The following DUSP6 variants were observed in gnomAD, a reference collection of about 807,000 sequenced individuals.
DUSP6 encodes dual specificity protein phosphatase 6.
DUSP6 carries 6 observed loss-of-function variants against 28.0 expected under a neutral mutation model. The ratio of observed to expected loss-of-function variants is 0.21; its 90% confidence interval spans 0.12 to 0.42. The LOEUF (loss-of-function observed/expected upper bound fraction) is 0.42. Among genes scored for constraint, DUSP6 ranks in the 10% least tolerant of loss-of-function variants. The pLI, the probability that DUSP6 is intolerant of heterozygous loss-of-function variation, is 1.00. For missense variants in DUSP6, 451 were observed against 498.1 expected (o/e 0.91, Z 0.90); for synonymous variants, 252 against 217.5 (o/e 1.16, Z -1.40).
intron 1 of DUSP6, 29 bp from the exon 2 acceptor site, chr12:89,351,054 A>AC: frequency 1.3e-6 from 2 of 1,544,646 alleles, no homozygotes; most frequent in Non-Finnish European, 1.7e-6. Context: ...CAATCATCTA[A>AC]CCTGAGAAGC....
At position 89,349,257 on chromosome 12, in the gene DUSP6, C is replaced by G. The variant is rs1378478834; in HGVS notation, c.1143G>C (p.Thr381=). 5 of 1,606,260 alleles carry G rather than the reference C, an allele frequency of 3.1e-6. No individual in the cohort carries two copies. The highest frequency in any genetic ancestry group is 1.3e-5 in the African/African-American group (1 of 74,738). ...GCAAGGAGGGGTGTGGGGTCTTTCA[C>G]GTAGATTGCAGAGAGTCCACCTGGT... ...NVYQVDSLQS[T] Residue 381 remains threonine, a synonymous_variant, in exon 3 of 3, where the codon ACG becomes ACC. Transcript: ENST00000279488.
chr12:89,348,919 C>A lies in DUSP6; in HGVS notation c.*335G>T. On this transcript the variant is annotated 3_prime_UTR_variant, in exon 3 of 3. Transcript: ENST00000279488. ...GCAAAAGGAAACAGCCTTACAAGGC[C>A]CTAAAGAACACATGCTCCTACCCTA... 4.6e-6 allele frequency: 1 copy of A among 218,048 alleles called. No homozygotes were observed. The highest frequency in any genetic ancestry group is 9.2e-6 in the Non-Finnish European group (1 of 109,090). 13.5% of individuals were successfully genotyped at this position (218,048 alleles called of 1,614,324 possible). A position where few individuals can be genotyped will look rare whatever the true frequency, so the allele number is the denominator to read the frequency against.
Position 89,349,108 on chromosome 12 carries a change from C to A in DUSP6, c.*146G>T. 7 of 818,766 alleles carry A rather than the reference C, an allele frequency of 8.5e-6. No homozygotes were observed. The highest frequency in any genetic ancestry group is 1.3e-5 in the Non-Finnish European group (7 of 525,590). 50.7% of individuals were successfully genotyped at this position (818,766 alleles called of 1,614,324 possible). ...ATCTCTCTGTTAGTATTAACCAATTCCGCACTTGGTAACCTTGTCTAGTAC... is the reference window on the plus strand; with the variant it reads ...ATCTCTCTGTTAGTATTAACCAATTACGCACTTGGTAACCTTGTCTAGTAC... On this transcript the variant is annotated 3_prime_UTR_variant, in exon 3 of 3. Transcript: ENST00000279488.
chr12:89,349,346 G>A lies in DUSP6; in HGVS notation c.1054C>T (p.Pro352Ser). Residue 352 changes from proline (P) to serine (S), a missense_variant, in exon 3 of 3, where the codon CCA (proline) becomes TCA (serine). Around this residue, in one of 2 missense-constraint regions of DUSP6, gnomAD observed 104 missense variants for 151.4 expected, o/e 0.69. Transcript: ENST00000279488. ...TGTGCTGGAACCCTGTTGTCACATG[G>A]GCTGCTGAGTCCCAGCGTCCTCTCG... Reference protein sequence around the residue: ...DFERTLGLSSPCDNRVPAQQL... With the variant: ...DFERTLGLSSSCDNRVPAQQL... The A allele has an allele frequency of 1.2e-6, 2 of 1,614,144 alleles. No individual in the cohort carries two copies. The highest frequency in any genetic ancestry group is 1.7e-6 in the Non-Finnish European group (2 of 1,180,034).
In DUSP6 at chr12:89,351,774, C is replaced by A. The variant is rs1879203409; in HGVS notation, c.266G>T (p.Arg89Leu). The stretch of plus-strand genomic sequence containing the variant: ...GAGCACCACTGTGTCGGTGCCACAG[C>A]GCCGGGTGAAGCGGTCCCGGTCCTC... ...RGEDRDRFTR[R>L]CGTDTVVLYD... Residue 89 changes from arginine to leucine, a missense_variant, in exon 1 of 3, where the codon CGC becomes CTC. By Grantham distance (102) the Arg-to-Leu change is moderately radical (BLOSUM62 -2). Transcript: ENST00000279488. The A allele has an allele frequency of 6.2e-7, 1 of 1,609,452 alleles. No homozygotes were observed. The highest frequency in any genetic ancestry group is 1.1e-5 in the South Asian group (1 of 90,572).
At position 89,350,870 on chromosome 12, in the gene DUSP6, G is replaced by C. The variant is rs766152118; in HGVS notation, c.556C>G (p.Arg186Gly). Residue 186 changes from arginine to glycine, a missense_variant, in exon 2 of 3, where the codon CGA becomes GGA. Physicochemically the swap from Arg to Gly is moderately radical, Grantham distance 125. Transcript: ENST00000279488. ...SSSDIESDLD[R>G]DPNSATDSDG... ...GAGTCTGTTGCACTATTGGGGTCTC[G>C]GTCAAGGTCAGACTCGATGTCCGAG... The C allele has an allele frequency of 1.2e-6, 2 of 1,613,994 alleles. No individual in the cohort carries two copies. The highest frequency in any genetic ancestry group is 2.2e-5 in the East Asian group (1 of 44,860).
At chr12:89,351,584 C>T (rs1048553876) in intron 1 of DUSP6, 56 bp downstream of exon 1, 8 of 1,503,342 alleles carry the variant, frequency 5.3e-6, no homozygotes, top group Non-Finnish European at 5.3e-6. Context: ...ACGCGCCCCG[C>T]CCGCAGCCCT....
intron 1 of DUSP6, chr12:89,351,385 A>T: frequency 3.3e-6 from 2 of 611,296 alleles, no homozygotes; most frequent in Non-Finnish European, 5.6e-6. Context: ...TGTTCTGGCT[A>T]AGAAGGCGCA....
rs779747736 is a variant in DUSP6, at chr12:89,350,643, C to A, written c.783G>T (p.Ser261=). 7 of 1,614,118 alleles carry A rather than the reference C, an allele frequency of 4.3e-6. No individual in the cohort carries two copies. Among genetic ancestry groups the A allele is most frequent in the Non-Finnish European group, 5.9e-6 (7 of 1,180,006 alleles). The change falls in exon 2 of 3, where the codon TCG becomes TCT. Residue 261 remains serine, a synonymous_variant. Coordinates refer to ENST00000279488, the MANE Select transcript of DUSP6 (RefSeq NM_001946.4). ...GEFKYKQIPI[S]DHWSQNLSQF... is the part of the protein sequence containing the mutation. ...GGGACAGGTTTTGGCTCCAGTGATCCGAGATGGGGATTTGCTTGTATTTAA... is the reference window on the plus strand; with the variant it reads ...GGGACAGGTTTTGGCTCCAGTGATCAGAGATGGGGATTTGCTTGTATTTAA...
chr12:89,348,087 A>G lies in DUSP6; in HGVS notation c.*1167T>C, dbSNP rs1016548502. 3 of 152,668 alleles carry G rather than the reference A, an allele frequency of 2.0e-5. No homozygotes were observed. Among genetic ancestry groups the G allele is most frequent in the Non-Finnish European group, 4.4e-5 (3 of 68,046 alleles). The allele number at this position is 152,668 out of a possible 1,614,324, so 9.5% of individuals were successfully genotyped here. A position where few individuals can be genotyped will look rare whatever the true frequency, so the allele number is the denominator to read the frequency against. ...CAATAGCCAAAATAGTTATTTATTAATAATTTAAGGTTTTACATTCTTATA... is the reference window on the plus strand; with the variant it reads ...CAATAGCCAAAATAGTTATTTATTAGTAATTTAAGGTTTTACATTCTTATA... On this transcript the variant is annotated 3_prime_UTR_variant, in exon 3 of 3. Coordinates refer to ENST00000279488, the MANE Select transcript of DUSP6 (RefSeq NM_001946.4).
Position 89,350,746 on chromosome 12 carries a change from A to T in DUSP6, c.680T>A (p.Val227Glu). ...GTACTTGATGCCGAATTCCTCCAAC[A>T]CGTCCAAGTTGGTGGAGTCTTTGGC... ...GCAKDSTNLD[V>E]LEEFGIKYIL... The change falls in exon 2 of 3, where the codon GTG (valine) becomes GAG (glutamate). Residue 227 changes from valine to glutamate, a missense_variant. Transcript: ENST00000279488. The T allele has an allele frequency of 6.2e-7, 1 of 1,614,084 alleles. No individual in the cohort carries two copies. Among genetic ancestry groups the T allele is most frequent in the Non-Finnish European group, 8.5e-7 (1 of 1,180,016 alleles).
intron 2 of DUSP6, 83 bp downstream of exon 2, chr12:89,350,505 A>AGAAC (rs2120499372): frequency 7.3e-7 from 1 of 1,370,558 alleles, no homozygotes; most frequent in East Asian, 2.3e-5. Context: ...GCAAGCAGCA[A>AGAAC]GAACGATTAA....
At chr12:89,349,687 C>T (rs1417216672) in intron 2 of DUSP6, 126 bp from the exon 3 acceptor site, 4 of 665,190 alleles carry the variant, frequency 6.0e-6, no homozygotes, top group Non-Finnish European at 7.6e-6. Context: ...TTGAGCCCTA[C>T]AAGCAGCAGA....
chr12:89,348,195 T>C lies in DUSP6; in HGVS notation c.*1059A>G, dbSNP rs913831254. 1 of 152,584 alleles carries C rather than the reference T, an allele frequency of 6.6e-6. No individual in the cohort carries two copies. 9.5% of individuals were successfully genotyped at this position (152,584 alleles called of 1,614,324 possible). A position where few individuals can be genotyped will look rare whatever the true frequency, so the allele number is the denominator to read the frequency against. On this transcript the variant is annotated 3_prime_UTR_variant, in exon 3 of 3. Transcript: ENST00000279488. The stretch of plus-strand genomic sequence containing the variant: ...TCTTCACAATCAAATGCATTTCTCT[T>C]ATCAAATGGGTACCCATGCTCACAC...
At position 89,349,444 on chromosome 12, in the gene DUSP6, G is replaced by A. The variant is rs1212031934; in HGVS notation, c.956C>T (p.Ala319Val). 2 of 1,614,070 alleles carry A rather than the reference G, an allele frequency of 1.2e-6. No homozygotes were observed. Among genetic ancestry groups the A allele is most frequent in the East Asian group, 2.2e-5 (1 of 44,892 alleles). The change falls in exon 3 of 3, where the codon GCC (alanine) becomes GTC (valine). Residue 319 changes from alanine to valine, a missense_variant. Coordinates refer to ENST00000279488, the MANE Select transcript of DUSP6 (RefSeq NM_001946.4). Reference protein sequence around the residue: ...MQKLNLSMNDAYDIVKMKKSN... With the variant: ...MQKLNLSMNDVYDIVKMKKSN... ...TTTTTTCATTTTGACAATGTCATAG[G>A]CATCGTTCATCGACAGATTGAGCTT...
At chr12:89,349,776 A>G (rs1410081292) in intron 2 of DUSP6, among the ~76,000 whole-genome samples, 1 of 152,238 alleles carries the variant, frequency 6.6e-6, no homozygotes, top group Non-Finnish European at 1.5e-5. Flanking sequence ...GAGCTTTTGT[A>G]TTAAGTTTCT....
In DUSP6 at chr12:89,349,160, G is replaced by T. The variant is rs1049160076; in HGVS notation, c.*94C>A. 2.2e-6 allele frequency: 3 copies of T among 1,372,548 alleles called. No homozygotes were observed. The African/African-American group carries it at 4.3e-5, about 20-fold the overall frequency. 85.0% of individuals were successfully genotyped at this position (1,372,548 alleles called of 1,614,324 possible). On this transcript the variant is annotated 3_prime_UTR_variant, in exon 3 of 3. Coordinates refer to ENST00000279488, the MANE Select transcript of DUSP6 (RefSeq NM_001946.4). ...GACAGCTGGTGTCATTTTGACACCT[G>T]GGGCCACACACAAAGAAAGCAGCCC...
chr12:89,352,029 G>C lies in DUSP6; in HGVS notation c.11C>G (p.Thr4Arg), dbSNP rs553295680. 20 of 1,611,114 alleles carry C rather than the reference G, an allele frequency of 1.2e-5. No individual in the cohort carries two copies. Among genetic ancestry groups the C allele is most frequent in the South Asian group, 5.5e-5 (5 of 91,058 alleles). MID[T>R]LRPVPFASEM... The stretch of plus-strand genomic sequence containing the variant: ...CGACGCGAAGGGCACGGGTCTGAGC[G>C]TATCTATCATGGGGGTCGAGCTGCG... The change falls in exon 1 of 3, where the codon ACG (threonine) becomes AGG (arginine). Residue 4 changes from threonine (T) to arginine (R), a missense_variant. Thr to Arg is a moderately conservative substitution (Grantham distance 71). Around this residue, in one of 2 missense-constraint regions of DUSP6, gnomAD observed 347 missense variants for 346.6 expected, o/e 1.00. Coordinates refer to ENST00000279488, the MANE Select transcript of DUSP6 (RefSeq NM_001946.4).
rs565177000 is a variant in DUSP6 at position 89,352,414 on chromosome 12, C to T, written c.-375G>A. Reference sequence around the variant, plus strand: ...CTGCACCTCAAATCTACCCGGGCGTCTTTCTCCCCGGATTATTTAAGACTC... The same window carrying T: ...CTGCACCTCAAATCTACCCGGGCGTTTTTCTCCCCGGATTATTTAAGACTC... On this transcript the variant is annotated 5_prime_UTR_variant, in exon 1 of 3. Coordinates refer to ENST00000279488, the MANE Select transcript of DUSP6 (RefSeq NM_001946.4). The T allele has an allele frequency of 5.7e-5, 13 of 226,296 alleles. No homozygotes were observed. The South Asian group carries it at 1.0e-3, about 18-fold the overall frequency. The allele number at this position is 226,296 out of a possible 1,614,324, so 14.0% of individuals were successfully genotyped here.
Sources: allele counts gnomAD v4.1 joint callset (sites outside exome capture counted in the v4.1 genomes callset), GRCh38; gene constraint gnomAD v4.1.1; regional missense constraint gnomAD v4.1.1; transcripts MANE v1.5; gene names NCBI Gene and HGNC (gene_info 2026-07-23, HGNC 2026-07-21).